Variants in ADGRA3 observed in about 807,000 individuals in gnomAD.
ADGRA3 encodes the protein adhesion G protein-coupled receptor A3.
Under a neutral mutation model 119.8 loss-of-function variants are expected in ADGRA3, and 56 were observed. The observed-to-expected ratio is 0.47, with a 90% CI of 0.38 to 0.58. The LOEUF is 0.58. Among genes scored for constraint, ADGRA3 ranks in the 20% least tolerant of loss-of-function variants. ADGRA3 has a pLI of 0.00. For synonymous variants in ADGRA3, 607 were observed against 623.8 expected, an observed-to-expected ratio of 0.97 and a Z score of 0.40; for missense variants, 1,516 against 1,649.0, an observed-to-expected ratio of 0.92 and a Z score of 1.40.
intron 1 of ADGRA3, among the ~76,000 whole-genome samples, chr4:22,479,033 A>C (rs1464867911): frequency 1.3e-5 from 2 of 152,140 alleles, no homozygotes; most frequent in Non-Finnish European, 2.9e-5. Context: ...CTAAAAAAAA[A>C]CTAAGAAACA....
chr4:22,436,755 G>T, intron 8 of ADGRA3, 114 bp from the exon 9 acceptor site: 1 of 833,716 alleles, frequency 1.2e-6, no homozygotes, highest in Non-Finnish European at 1.9e-6. Flanking sequence ...ATACAACCCT[G>T]ACACGGGTCA....
chr4:22,502,893 GA>G (rs71182944), intron 1 of ADGRA3, among the ~76,000 whole-genome samples: 44,715 of 119,864 alleles, frequency 0.37, 7,371 homozygotes, highest in African/African-American at 0.45. Flanking sequence ...CTACTTAAGG[GA>G]AAAAAAAAAA....
At chr4:22,499,967 C>T (rs1173663463) in intron 1 of ADGRA3, among the ~76,000 whole-genome samples, 1 of 152,178 alleles carries the variant, frequency 6.6e-6, no homozygotes, top group African/African-American at 2.4e-5. Context: ...TTGCATTATA[C>T]TTACAGGTTG....
intron 10 of ADGRA3, among the ~76,000 whole-genome samples, chr4:22,426,795 C>T (rs1577341474): frequency 6.6e-6 from 1 of 152,224 alleles, no homozygotes; most frequent in Middle Eastern, 3.4e-3. Flanking sequence ...TTAAGAAGAG[C>T]CTGTAATCAA....
At chr4:22,391,346 C>T (rs528092310) in intron 17 of ADGRA3, among the ~76,000 whole-genome samples, 6 of 152,170 alleles carry the variant, frequency 3.9e-5, no homozygotes, top group African/African-American at 1.4e-4. Flanking sequence ...CTTTTCCTAT[C>T]TTATTTCTCA....
At chr4:22,463,199 T>A (rs1717535067) in intron 2 of ADGRA3, among the ~76,000 whole-genome samples, 1 of 152,216 alleles carries the variant, frequency 6.6e-6, no homozygotes. Context: ...TACAGCCACG[T>A]GTAAGCTTCC....
chr4:22,422,922 C>T (rs1560309014), intron 11 of ADGRA3, among the ~76,000 whole-genome samples: 1 of 152,068 alleles, frequency 6.6e-6, no homozygotes, highest in African/African-American at 2.4e-5. Context: ...TAGCCAGGTG[C>T]GGTGGCTCAC....
chr4:22,479,373 G>C (rs149727215), intron 1 of ADGRA3, among the ~76,000 whole-genome samples: 12,552 of 151,994 alleles, frequency 0.083, 572 homozygotes, highest in Non-Finnish European at 0.092. Context: ...TGAGGCAGGG[G>C]AATGGCGTGA....
chr4:22,481,751 CAG>C (rs1229407957), intron 1 of ADGRA3, among the ~76,000 whole-genome samples: 1 of 152,194 alleles, frequency 6.6e-6, no homozygotes, highest in Non-Finnish European at 1.5e-5. Flanking sequence ...GTAGTGGCAA[CAG>C]ACATTCTGGT....
At chr4:22,447,532 T>C in intron 4 of ADGRA3, 21 bp from the exon 5 acceptor site, 1 of 1,400,376 alleles carries the variant, frequency 7.1e-7, no homozygotes, top group Non-Finnish European at 9.9e-7. Flanking sequence ...GAAAACAATT[T>C]CACTTTTAAA....
intron 1 of ADGRA3, among the ~76,000 whole-genome samples, chr4:22,488,243 C>T (rs1326812787): frequency 6.6e-6 from 1 of 152,084 alleles, no homozygotes; most frequent in Non-Finnish European, 1.5e-5. Context: ...GCAACGGAAA[C>T]TGTACACCTA....
chr4:22,405,887 C>T (rs556466615), intron 14 of ADGRA3, among the ~76,000 whole-genome samples: 3 of 152,268 alleles, frequency 2.0e-5, no homozygotes, highest in African/African-American at 7.2e-5. Context: ...AGTCACTCTG[C>T]CATGCTATCA....
In ADGRA3 at chr4:22,499,395, C is replaced by T. The variant is rs1196858022; in HGVS notation, c.257+16133G>A. 3.3e-5 allele frequency among the ~76,000 whole-genome samples: 5 copies of T among 152,284 alleles called. No individual in the cohort carries two copies. In the South Asian group the frequency reaches 6.2e-4, roughly 19 times the overall value. On this transcript the variant is annotated intron_variant, in intron 1 of 18. Coordinates refer to ENST00000334304, the MANE Select transcript of ADGRA3 (RefSeq NM_145290.4). ...AAATGTTGTGATTTGCTAGGTGACA[C>T]GATTCTACTTGGCAGCAAAACCAAT...
At chr4:22,448,760 T>C (rs1386518578) in intron 4 of ADGRA3, among the ~76,000 whole-genome samples, 6 of 152,176 alleles carry the variant, frequency 3.9e-5, no homozygotes, top group Admixed American at 3.3e-4. Flanking sequence ...GGTTTTTATA[T>C]TTTATAATTT....
chr4:22,415,648 C>T (rs1392597), intron 12 of ADGRA3, among the ~76,000 whole-genome samples: 25,776 of 151,900 alleles, frequency 0.17, 3,644 homozygotes, highest in African/African-American at 0.37. Flanking sequence ...AAAATAATAT[C>T]GTTATACACA....
At chr4:22,486,056 A>C (rs1238571579) in intron 1 of ADGRA3, among the ~76,000 whole-genome samples, 2 of 152,162 alleles carry the variant, frequency 1.3e-5, no homozygotes, top group Non-Finnish European at 2.9e-5. Flanking sequence ...ATTGGGTTGT[A>C]AGTTCCTACT....
At chr4:22,437,608 G>A (rs1014549127) in intron 8 of ADGRA3, among the ~76,000 whole-genome samples, 6 of 152,070 alleles carry the variant, frequency 3.9e-5, no homozygotes, top group Non-Finnish European at 8.8e-5. Context: ...GAGAGTTTAA[G>A]GTAAAAGCTG....
At chr4:22,390,965 G>A (rs1231392754) in intron 17 of ADGRA3, among the ~76,000 whole-genome samples, 1 of 151,672 alleles carries the variant, frequency 6.6e-6, no homozygotes, top group Non-Finnish European at 1.5e-5. Context: ...ATAACTCTGG[G>A]GCCACGGAGC....
At chr4:22,434,394 G>C (rs956239891) in intron 10 of ADGRA3, among the ~76,000 whole-genome samples, 10 of 152,010 alleles carry the variant, frequency 6.6e-5, no homozygotes, top group Non-Finnish European at 1.5e-4. Flanking sequence ...GTTGTGTACA[G>C]AGCACTTTTA....
Sources: allele counts gnomAD v4.1 joint callset (sites outside exome capture counted in the v4.1 genomes callset), GRCh38; gene constraint gnomAD v4.1.1; transcripts MANE v1.5; gene names NCBI Gene and HGNC (gene_info 2026-07-23, HGNC 2026-07-21).